Variants in SNAP23 observed in about 807,000 individuals in gnomAD.
SNAP23 encodes the protein synaptosomal-associated protein 23.
Under a neutral mutation model 29.0 loss-of-function variants are expected in SNAP23, and 11 were observed. The observed-to-expected ratio is 0.38, with a 90% CI of 0.24 to 0.63. The LOEUF (loss-of-function observed/expected upper bound fraction) is 0.63. SNAP23 is among the 20% of genes least tolerant of loss of function. The pLI, the probability that SNAP23 is intolerant of heterozygous loss-of-function variation, is 0.58. For synonymous variants in SNAP23, 60 were observed against 82.9 expected, an observed-to-expected ratio of 0.72 and a Z score of 1.50; for missense variants, 220 against 253.9, an observed-to-expected ratio of 0.87 and a Z score of 0.91.
chr15:42,527,235 G>T (rs542214562), intron 5 of SNAP23, among the ~76,000 whole-genome samples: 2 of 152,048 alleles, frequency 1.3e-5, no homozygotes, highest in African/African-American at 2.4e-5. Context: ...TTATTTGTCC[G>T]CTGATTGTCC....
At position 42,495,732 on chromosome 15, in the gene SNAP23, G is replaced by C. The variant is rs1430311080; in HGVS notation, c.-15+19G>C. 3 of 152,726 alleles carry C rather than the reference G, an allele frequency of 2.0e-5. No homozygotes were observed. Among genetic ancestry groups the C allele is most frequent in the Admixed American group, 6.5e-5 (1 of 15,298 alleles). The allele number at this position is 152,726 out of a possible 1,614,324, so 9.5% of individuals were successfully genotyped here. A position where few individuals can be genotyped will look rare whatever the true frequency, so the allele number is the denominator to read the frequency against. ...CCGCTTGGTGAGTCTCCAGGAGTGG[G>C]ACGGAGGGAGCTGGCCGGGATGAAG... On this transcript the variant is annotated intron_variant, in intron 1 of 7. Coordinates refer to ENST00000249647, the MANE Select transcript of SNAP23 (RefSeq NM_003825.4).
chr15:42,516,706 C>T (rs2057399937), intron 5 of SNAP23, among the ~76,000 whole-genome samples: 3 of 152,062 alleles, frequency 2.0e-5, no homozygotes, highest in African/African-American at 4.8e-5. Context: ...AAACCAACAG[C>T]GGTTATATTT....
intron 5 of SNAP23, chr15:42,521,399 T>C (rs1296616928): frequency 1.0e-6 from 1 of 953,342 alleles, no homozygotes; most frequent in Non-Finnish European, 1.2e-6. Flanking sequence ...TGAGGAAAAA[T>C]GAAATGTGCT....
At chr15:42,496,859 CCTT>C (rs2057223650) in intron 1 of SNAP23, among the ~76,000 whole-genome samples, 1 of 152,106 alleles carries the variant, frequency 6.6e-6, no homozygotes, top group Non-Finnish European at 1.5e-5. Context: ...AAGCCAAGCA[CCTT>C]CTTCACAGGA....
intron 5 of SNAP23, among the ~76,000 whole-genome samples, chr15:42,520,045 C>CTT (rs201577060): frequency 0.015 from 1,387 of 92,864 alleles, 11 homozygotes; most frequent in African/African-American, 0.019. Context: ...AACCCCCTTG[C>CTT]TTTTTTTTTT....
chr15:42,528,314 G>C lies in SNAP23; in HGVS notation c.319G>C (p.Gly107Arg). ...TTATAAGACAACATGGGGAGATGGT[G>C]GAGAAAACTCACCTTGCAATGTAGT... ...KAYKTTWGDG[G>R]ENSPCNVVSK... Residue 107 changes from glycine to arginine, a missense_variant, in exon 6 of 8, where the codon GGA becomes CGA. Transcript: ENST00000249647. 1 of 1,614,050 alleles carries C rather than the reference G, an allele frequency of 6.2e-7. No individual in the cohort carries two copies. The highest frequency in any genetic ancestry group is 8.5e-7 in the Non-Finnish European group (1 of 1,179,988).
chr15:42,519,041 T>C (rs988505488), intron 5 of SNAP23, among the ~76,000 whole-genome samples: 2 of 148,028 alleles, frequency 1.4e-5, no homozygotes, highest in Admixed American at 1.3e-4. Flanking sequence ...TTTTAAAAAC[T>C]TTTGTTTCTT....
At chr15:42,502,386 C>T (rs978960164) in intron 1 of SNAP23, among the ~76,000 whole-genome samples, 1 of 152,172 alleles carries the variant, frequency 6.6e-6, no homozygotes, top group African/African-American at 2.4e-5. Context: ...GAAAAACTAA[C>T]CAGAAAGCAT....
At chr15:42,508,216 T>C (rs1303207829) in intron 1 of SNAP23, among the ~76,000 whole-genome samples, 1 of 150,428 alleles carries the variant, frequency 6.6e-6, no homozygotes, top group Non-Finnish European at 1.5e-5. Flanking sequence ...GTGAACCTGA[T>C]TGCACCACCG....
At chr15:42,529,551 C>T in intron 6 of SNAP23, 124 bp from the exon 7 acceptor site, 1 of 911,586 alleles carries the variant, frequency 1.1e-6, no homozygotes, top group Non-Finnish European at 1.7e-6. Flanking sequence ...GAATGGTAAC[C>T]TATATTCTTT....
intron 5 of SNAP23, among the ~76,000 whole-genome samples, chr15:42,525,773 A>G (rs543383999): frequency 1.2e-3 from 182 of 152,178 alleles, no homozygotes; most frequent in South Asian, 4.2e-3. Flanking sequence ...AGATCCAGTC[A>G]TTTTAAAGAC....
upstream of SNAP23, among the ~76,000 whole-genome samples, chr15:42,492,355 C>A (rs1253090212): frequency 6.6e-6 from 1 of 152,088 alleles, no homozygotes; most frequent in Non-Finnish European, 1.5e-5. Context: ...TATAACATCT[C>A]TGTTTAACAA....
At chr15:42,529,651 G>A (rs1378352102) in intron 6 of SNAP23, 24 bp from the exon 7 acceptor site, 6 of 1,606,260 alleles carry the variant, frequency 3.7e-6, no homozygotes, top group Non-Finnish European at 5.1e-6. Flanking sequence ...AAAACCTATG[G>A]AATTAACTGT....
At chr15:42,495,981 C>T (rs1164841154) in intron 1 of SNAP23, 1 of 152,170 alleles carries the variant, frequency 6.6e-6, no homozygotes, top group Non-Finnish European at 1.5e-5. Context: ...ACTTTCCGCC[C>T]CTCACCCTTA....
At chr15:42,513,826 G>T (rs373007466) in intron 4 of SNAP23, among the ~76,000 whole-genome samples, 1 of 151,694 alleles carries the variant, frequency 6.6e-6, no homozygotes, top group Non-Finnish European at 1.5e-5. Flanking sequence ...TAGTTTTGGG[G>T]GTGGGGGATG....
intron 1 of SNAP23, among the ~76,000 whole-genome samples, chr15:42,510,645 A>G (rs977304974): frequency 1.3e-5 from 2 of 152,082 alleles, no homozygotes; most frequent in African/African-American, 4.8e-5. Flanking sequence ...ATCAGATCCT[A>G]TTAGGTGTTA....
At chr15:42,522,330 G>C (rs558989553) in intron 5 of SNAP23, among the ~76,000 whole-genome samples, 1 of 152,158 alleles carries the variant, frequency 6.6e-6, no homozygotes, top group East Asian at 1.9e-4. Flanking sequence ...TATAATTCCT[G>C]TTACATCATG....
intron 5 of SNAP23, among the ~76,000 whole-genome samples, chr15:42,522,534 C>A (rs561211542): frequency 6.6e-6 from 1 of 151,880 alleles, no homozygotes; most frequent in African/African-American, 2.4e-5. Context: ...TTCCTGCCCT[C>A]CTTTTTTCTT....
At chr15:42,513,342 T>A (rs773473732) in intron 3 of SNAP23, 57 bp from the exon 4 acceptor site, 4 of 1,478,038 alleles carry the variant, frequency 2.7e-6, no homozygotes, top group African/African-American at 1.4e-5. Flanking sequence ...GTAGGTTTTG[T>A]TTCTGTTGTT....
Sources: gnomAD v4.1 joint callset for allele counts (sites outside exome capture counted in the v4.1 genomes callset) on GRCh38, gnomAD v4.1.1 for gene constraint, MANE v1.5 for transcripts, NCBI Gene and HGNC (gene_info 2026-07-23, HGNC 2026-07-21) for gene names.